Variants in PARD3B observed in about 807,000 individuals in gnomAD.
PARD3B encodes par-3 family cell polarity regulator beta, also known as partitioning defective 3 homolog B.
A neutral mutation model predicts 130.2 loss-of-function variants in PARD3B; 103 were observed. The ratio of observed to expected loss-of-function variants is 0.79; its 90% CI spans 0.67 to 0.93. PARD3B has a LOEUF of 0.93. Among genes scored for constraint, PARD3B ranks in the 40% least tolerant of loss-of-function variants. The pLI, the probability that PARD3B is intolerant of heterozygous loss-of-function variation, is 0.00. For missense variants in PARD3B, 1,609 were observed against 1,499.2 expected (o/e 1.07, Z -1.21); for synonymous variants, 583 against 553.2 (o/e 1.05, Z -0.76).
chr2:205,128,536 G>C lies in PARD3B; in HGVS notation c.1434+2799G>C, dbSNP rs1385170189. On this transcript the variant is annotated intron_variant, in intron 10 of 22. Transcript: ENST00000406610. This position sits in a 1 kb window ranked among gnomAD's most constrained non-coding sequence, Gnocchi z 4.5. ...CACCACTTACTAGCTGTGTGATGTA[G>C]AGCCATTCGGAACATCACTCAGAGG... Among the ~76,000 whole-genome samples, 3 of 152,196 alleles carry C rather than the reference G, an allele frequency of 2.0e-5. No homozygotes were observed. Among genetic ancestry groups the C allele is most frequent in the African/African-American group, 7.2e-5 (3 of 41,452 alleles).
Position 205,300,858 on chromosome 2 carries a change from T to A in PARD3B, c.2392+122T>A. The stretch of plus-strand genomic sequence containing the variant: ...AAGGATCACAATTATATTTTTGATA[T>A]TAAAAGTAATTCATTTTCCTGATAT... On this transcript the variant is annotated intron_variant, in intron 17 of 22. Transcript: ENST00000406610. The surrounding 1 kb of genome is among the most constrained non-coding windows in gnomAD (Gnocchi z 4.1). 1 of 1,056,844 alleles carries A rather than the reference T, an allele frequency of 9.5e-7. No individual in the cohort carries two copies. Among genetic ancestry groups the A allele is most frequent in the Non-Finnish European group, 1.3e-6 (1 of 751,242 alleles). 65.5% of individuals were successfully genotyped at this position (1,056,844 alleles called of 1,614,324 possible). A position where few individuals can be genotyped will look rare whatever the true frequency, so the allele number is the denominator to read the frequency against.
At chr2:204,798,427 C>T (rs570200499) in intron 2 of PARD3B, among the ~76,000 whole-genome samples, 6 of 152,274 alleles carry the variant, frequency 3.9e-5, no homozygotes, top group East Asian at 3.9e-4. Flanking sequence ...TAAAGCACTC[C>T]GGGGTTCTAA....
intron 10 of PARD3B, among the ~76,000 whole-genome samples, chr2:205,143,134 T>C (rs906774902): frequency 2.7e-4 from 41 of 152,186 alleles, no homozygotes; most frequent in African/African-American, 9.4e-4. Context: ...GAAATTTCTT[T>C]TCAGTTGAAT....
chr2:205,143,710 C>CA (rs1280747605), intron 10 of PARD3B, among the ~76,000 whole-genome samples: 2 of 152,140 alleles, frequency 1.3e-5, no homozygotes, highest in Non-Finnish European at 2.9e-5. Flanking sequence ...GCCACCTGAA[C>CA]AATCCCCTTC....
chr2:205,136,514 G>A (rs1167975125), intron 10 of PARD3B, among the ~76,000 whole-genome samples: 5 of 152,116 alleles, frequency 3.3e-5, no homozygotes, highest in East Asian at 1.9e-4. Context: ...TATGGTTCCC[G>A]GCTTATGGAA....
chr2:204,664,385 A>G lies in PARD3B; in HGVS notation c.121-21796A>G, dbSNP rs2035938781. 6.6e-6 allele frequency among the ~76,000 whole-genome samples: 1 copy of G among 152,174 alleles called. No individual in the cohort carries two copies. The highest frequency in any genetic ancestry group is 2.4e-5 in the African/African-American group (1 of 41,454). On this transcript the variant is annotated intron_variant, in intron 1 of 22. Transcript: ENST00000406610. This position sits in a 1 kb window ranked among gnomAD's most constrained non-coding sequence, Gnocchi z 5.2. ...TTGCATGCACCAGATGAGCTGGAGA[A>G]GTTGTGGCCTGCAAGTAACATAAAG...
chr2:205,318,808 C>T (rs1448373825), intron 18 of PARD3B, among the ~76,000 whole-genome samples: 1 of 152,158 alleles, frequency 6.6e-6, no homozygotes, highest in East Asian at 1.9e-4. Flanking sequence ...CCTTCTAACT[C>T]CACCTCACCC....
intron 21 of PARD3B, among the ~76,000 whole-genome samples, chr2:205,531,346 G>A (rs1443386427): frequency 6.6e-6 from 1 of 152,140 alleles, no homozygotes; most frequent in African/African-American, 2.4e-5. Flanking sequence ...GCTGGACAAA[G>A]GAAACTGATA....
intron 5 of PARD3B, among the ~76,000 whole-genome samples, chr2:205,107,992 T>G (rs567075622): frequency 2.0e-5 from 3 of 152,194 alleles, no homozygotes; most frequent in Admixed American, 6.5e-5. Flanking sequence ...AGATAAGCCT[T>G]CTTCCAGACT....
chr2:205,039,342 T>C (rs1052546358), intron 3 of PARD3B, among the ~76,000 whole-genome samples: 2 of 152,214 alleles, frequency 1.3e-5, no homozygotes, highest in Non-Finnish European at 2.9e-5. Context: ...ACAAGCATCT[T>C]ACCAGATATG....
chr2:204,709,596 C>T (rs762580973), intron 2 of PARD3B, among the ~76,000 whole-genome samples: 7 of 152,182 alleles, frequency 4.6e-5, no homozygotes, highest in Non-Finnish European at 7.3e-5. Flanking sequence ...GACCATCTAC[C>T]TAGTACCTTG....
intron 15 of PARD3B, among the ~76,000 whole-genome samples, chr2:205,197,032 GGTGTGTGTGTGTGT>G (rs1220147246): frequency 1.8e-5 from 1 of 55,260 alleles, no homozygotes; most frequent in Non-Finnish European, 3.2e-5. Flanking sequence ...GTGGGGGGGG[GGTGTGTGTGTGTGT>G]GTGTGTGTGT....
chr2:205,122,840 T>C lies in PARD3B; in HGVS notation c.1165+891T>C, dbSNP rs1045841792. On this transcript the variant is annotated intron_variant, in intron 8 of 22. Transcript: ENST00000406610. The surrounding 1 kb of genome is among the most constrained non-coding windows in gnomAD (Gnocchi z 4.3). ...CTCTGATCAAAATTTCATTCACCTA[T>C]AAGAATTCTATTCTGGGAATAAAAT... is the stretch of plus-strand genomic sequence containing the variant. Among the ~76,000 whole-genome samples the C allele has an allele frequency of 2.0e-5, 3 of 152,254 alleles. No individual in the cohort carries two copies. Among genetic ancestry groups the C allele is most frequent in the African/African-American group, 7.2e-5 (3 of 41,476 alleles).
At chr2:205,579,725 G>A (rs375290416) in intron 22 of PARD3B, among the ~76,000 whole-genome samples, 9 of 152,162 alleles carry the variant, frequency 5.9e-5, no homozygotes, top group African/African-American at 1.9e-4. Context: ...TAATTGAAAC[G>A]ACAGCATATT....
At chr2:205,374,692 A>C (rs1052335989) in intron 18 of PARD3B, among the ~76,000 whole-genome samples, 1 of 152,198 alleles carries the variant, frequency 6.6e-6, no homozygotes. Context: ...TCACTGCTGC[A>C]TAATACTCCA....
intron 16 of PARD3B, 34 bp downstream of exon 16, chr2:205,245,856 T>C: frequency 6.5e-7 from 1 of 1,531,018 alleles, no homozygotes; most frequent in Non-Finnish European, 9.0e-7. Flanking sequence ...TATATTCCTC[T>C]TCCTGGAAAT....
At chr2:204,738,660 C>T (rs1044637052) in intron 2 of PARD3B, among the ~76,000 whole-genome samples, 5 of 152,100 alleles carry the variant, frequency 3.3e-5, no homozygotes, top group Non-Finnish European at 7.3e-5. Context: ...TGCTCTGTTG[C>T]AGAGTTTGAC....
chr2:205,395,583 T>C (rs1184776753), intron 18 of PARD3B, among the ~76,000 whole-genome samples: 2 of 152,176 alleles, frequency 1.3e-5, no homozygotes, highest in African/African-American at 4.8e-5. Flanking sequence ...CAAAGATATA[T>C]TACAATAATA....
intron 13 of PARD3B, among the ~76,000 whole-genome samples, 179 bp from the exon 14 acceptor site, chr2:205,185,585 C>G (rs1015864067): frequency 6.6e-6 from 1 of 152,134 alleles, no homozygotes; most frequent in Non-Finnish European, 1.5e-5. Context: ...GCTTAGATTT[C>G]CTCATACAAG....
Sources: gnomAD v4.1 joint callset for allele counts (sites outside exome capture counted in the v4.1 genomes callset) on GRCh38, gnomAD v4.1.1 for gene constraint, Gnocchi (gnomAD v3.1) non-coding constraint, MANE v1.5 for transcripts, NCBI Gene and HGNC (gene_info 2026-07-23, HGNC 2026-07-21) for gene names.